CERK: variants seen among roughly 807,000 people sequenced by gnomAD.
CERK encodes the protein acylsphingosine kinase.
CERK carries 39 observed loss-of-function variants against 63.4 expected under a neutral mutation model. That is an observed-to-expected ratio of 0.61 (90% CI 0.48 to 0.80). CERK has a LOEUF of 0.80. CERK is among the 30% of genes least tolerant of loss of function. CERK has a pLI of 0.00. For missense variants in CERK, 670 were observed against 714.1 expected (o/e 0.94, Z 0.70); for synonymous variants, 302 against 280.0 (o/e 1.08, Z -0.78).
At chr22:46,716,940 CAAAAAAA>C (rs61597066) in intron 3 of CERK, among the ~76,000 whole-genome samples, 20,534 of 139,010 alleles carry the variant, frequency 0.15, 1,809 homozygotes, top group African/African-American at 0.27. Flanking sequence ...GTCCCCCCAC[CAAAAAAA>C]AAAGAAAAAA....
At chr22:46,720,036 T>C in intron 3 of CERK, 50 bp downstream of exon 3, 1 of 1,593,632 alleles carries the variant, frequency 6.3e-7, no homozygotes, top group Non-Finnish European at 8.6e-7. Flanking sequence ...CAATCAGGCA[T>C]GCGCATGCCA....
chr22:46,702,219 ATATATGTG>A (rs1314864743), intron 6 of CERK, among the ~76,000 whole-genome samples: 34 of 97,210 alleles, frequency 3.5e-4, no homozygotes, highest in African/African-American at 1.6e-3. Flanking sequence ...AAAAAAATAT[ATATATGTG>A]TGTGTGTGTG....
chr22:46,724,473 C>A (rs2082907888), intron 1 of CERK, among the ~76,000 whole-genome samples: 1 of 152,130 alleles, frequency 6.6e-6, no homozygotes, highest in Non-Finnish European at 1.5e-5. Context: ...TCCTTGCTGA[C>A]TCAGGAGACC....
intron 6 of CERK, among the ~76,000 whole-genome samples, chr22:46,702,194 AGG>A (rs1273662363): frequency 6.8e-6 from 1 of 146,160 alleles, no homozygotes; most frequent in African/African-American, 2.5e-5. Context: ...AAAAAAAAAA[AGG>A]AGCCAAAAAG....
intron 1 of CERK, among the ~76,000 whole-genome samples, chr22:46,732,392 T>C (rs2082949679): frequency 6.7e-6 from 1 of 149,730 alleles, no homozygotes; most frequent in Non-Finnish European, 1.5e-5. Context: ...TAGAAAACGC[T>C]GTTATGCAAA....
At chr22:46,711,308 G>A (rs189408072) in intron 4 of CERK, among the ~76,000 whole-genome samples, 159 bp from the exon 5 acceptor site, 2 of 152,232 alleles carry the variant, frequency 1.3e-5, no homozygotes, top group East Asian at 1.9e-4. Context: ...CTTATGGGAC[G>A]GGATCAAGCT....
rs188569887 is a variant in CERK, at chr22:46,732,833, C to T, written c.142+5174G>A. On this transcript the variant is annotated intron_variant, in intron 1 of 12. Transcript: ENST00000216264. ...CCGAATGTTTTCTTCCGTGAATCGC[C>T]TACTTATATCCATTGCCATTTGTCT... Among the ~76,000 whole-genome samples, 693 of 152,206 alleles carry T rather than the reference C, an allele frequency of 4.6e-3. 5 individuals carry two copies. The highest frequency in any genetic ancestry group is 0.016 in the African/African-American group (659 of 41,506).
chr22:46,719,148 T>TTGTGTGTGTGTG (rs10583580), intron 3 of CERK, among the ~76,000 whole-genome samples: 2,914 of 149,944 alleles, frequency 0.019, 66 homozygotes, highest in African/African-American at 0.06. Context: ...ACCTACCACT[T>TTGTGTGTGTGTG]TGTGTGTGTG....
At chr22:46,689,413 A>G (rs1367354119) in intron 12 of CERK, among the ~76,000 whole-genome samples, 2 of 152,286 alleles carry the variant, frequency 1.3e-5, no homozygotes, top group Non-Finnish European at 1.5e-5. Context: ...CTCTGTCACC[A>G]AGGCTGGAGT....
rs952329155 is a variant in CERK at position 46,686,375 on chromosome 22, T to C, written c.*759A>G. The C allele has an allele frequency of 6.6e-6, 1 of 152,186 alleles. No homozygotes were observed. The highest frequency in any genetic ancestry group is 2.4e-5 in the African/African-American group (1 of 41,446). The allele number at this position is 152,186 out of a possible 1,614,324, so 9.4% of individuals were successfully genotyped here. A position where few individuals can be genotyped will look rare whatever the true frequency, so the allele number is the denominator to read the frequency against. On this transcript the variant is annotated 3_prime_UTR_variant, in exon 13 of 13. Transcript: ENST00000216264. ...AAGCACTTCGCGTCGATATAAAGCA[T>C]TGGTATTTGACATTTTAACAGTAAC...
chr22:46,711,286 T>C, intron 4 of CERK, 137 bp from the exon 5 acceptor site: 1 of 676,970 alleles, frequency 1.5e-6, no homozygotes. Context: ...CCCTCTTCAA[T>C]TCTACATCGC....
At chr22:46,697,255 G>C (rs549285783) in intron 8 of CERK, among the ~76,000 whole-genome samples, 2 of 152,050 alleles carry the variant, frequency 1.3e-5, no homozygotes. Flanking sequence ...AAAGTCGACC[G>C]GGCAGCGAGA....
chr22:46,694,330 C>G (rs991702376), intron 9 of CERK, among the ~76,000 whole-genome samples: 29 of 152,074 alleles, frequency 1.9e-4, no homozygotes, highest in African/African-American at 6.0e-4. Context: ...ATTTAAGGTT[C>G]TATTTACACT....
At chr22:46,718,512 T>G (rs2082876980) in intron 3 of CERK, among the ~76,000 whole-genome samples, 1 of 152,038 alleles carries the variant, frequency 6.6e-6, no homozygotes, top group South Asian at 2.1e-4. Flanking sequence ...CAGGATGAGC[T>G]TTTCACGACA....
intron 10 of CERK, among the ~76,000 whole-genome samples, chr22:46,692,088 G>C (rs548997472): frequency 6.6e-6 from 1 of 152,192 alleles, no homozygotes; most frequent in African/African-American, 2.4e-5. Flanking sequence ...CCCGCCGCCC[G>C]TCTGTGTGTG....
chr22:46,731,581 C>T (rs951942951), intron 1 of CERK, among the ~76,000 whole-genome samples: 1 of 152,186 alleles, frequency 6.6e-6, no homozygotes, highest in Admixed American at 6.5e-5. Flanking sequence ...ATAACCAGTG[C>T]TAGGTGAGTC....
intron 6 of CERK, among the ~76,000 whole-genome samples, chr22:46,702,394 A>G (rs1002001259): frequency 5.9e-5 from 9 of 151,568 alleles, no homozygotes; most frequent in Admixed American, 5.3e-4. Flanking sequence ...TCCCAGGTTC[A>G]GGCAATTCTG....
chr22:46,735,941 C>G (rs1189795307), intron 1 of CERK, among the ~76,000 whole-genome samples: 1 of 152,228 alleles, frequency 6.6e-6, no homozygotes, highest in Non-Finnish European at 1.5e-5. Context: ...CGTTTCCCAA[C>G]TTGTTGATGT....
At chr22:46,701,171 C>T (rs965969683) in intron 7 of CERK, among the ~76,000 whole-genome samples, 14 of 152,226 alleles carry the variant, frequency 9.2e-5, no homozygotes, top group African/African-American at 2.7e-4. Flanking sequence ...GCAGCCCCTT[C>T]TGCTCTTCCT....
Sources: allele counts gnomAD v4.1 joint callset (sites outside exome capture counted in the v4.1 genomes callset), GRCh38; gene constraint gnomAD v4.1.1; transcripts MANE v1.5; gene names NCBI Gene and HGNC (gene_info 2026-07-23, HGNC 2026-07-21).